NRG1: variants seen among roughly 807,000 people sequenced by gnomAD.
The protein encoded by NRG1 is neuregulin 1.
In NRG1, 18 loss-of-function variants were observed where a neutral mutation model predicts 63.8. The ratio of observed to expected loss-of-function variants is 0.28; its 90% CI spans 0.19 to 0.42. The LOEUF (loss-of-function observed/expected upper bound fraction) is 0.42, where lower values mean the gene tolerates loss of function less well. NRG1 is among the 10% of genes least tolerant of loss of function. NRG1 has a pLI of 1.00. For synonymous variants in NRG1, 302 were observed against 301.3 expected (o/e 1.00, Z -0.02); for missense variants, 762 against 814.7 (o/e 0.94, Z 0.79).
chr8:32,053,538 T>C (rs16878693), intron 1 of NRG1, among the ~76,000 whole-genome samples: 8,442 of 152,164 alleles, frequency 0.055, 784 homozygotes, highest in African/African-American at 0.19. Flanking sequence ...TCAAACCTCT[T>C]TTCATCATGA....
chr8:32,702,392 G>A (rs1473258954), intron 5 of NRG1, among the ~76,000 whole-genome samples: 3 of 152,252 alleles, frequency 2.0e-5, no homozygotes, highest in African/African-American at 7.2e-5. Context: ...TAAATCTGCT[G>A]AAATAAACAG....
chr8:31,995,821 C>G (rs368871880), intron 1 of NRG1, among the ~76,000 whole-genome samples: 2 of 151,940 alleles, frequency 1.3e-5, no homozygotes, highest in African/African-American at 4.8e-5. Flanking sequence ...GTAGTACATG[C>G]CAAATTCACC....
intron 1 of NRG1, among the ~76,000 whole-genome samples, chr8:31,730,893 A>G (rs559276599): frequency 7.9e-5 from 12 of 152,310 alleles, no homozygotes; most frequent in Non-Finnish European, 5.9e-5. Context: ...GAAGCTTAGT[A>G]TCTATGATTT....
chr8:32,512,882 T>C (rs1829377401), intron 1 of NRG1, among the ~76,000 whole-genome samples: 1 of 152,140 alleles, frequency 6.6e-6, no homozygotes, highest in African/African-American at 2.4e-5. Context: ...AAAGAAGAAA[T>C]AGAACAATAA....
At chr8:32,769,090 C>CCACCACACTCTTTCA (rs1465228552), downstream of NRG1, among the ~76,000 whole-genome samples, 2 of 151,970 alleles carry the variant, frequency 1.3e-5, no homozygotes, top group Non-Finnish European at 2.9e-5. Flanking sequence ...TCTCCAAAAG[C>CCACCACACTCTTTCA]CACCACACTC....
intron 1 of NRG1, among the ~76,000 whole-genome samples, chr8:31,708,538 C>G (rs1388510879): frequency 6.7e-6 from 1 of 150,076 alleles, no homozygotes; most frequent in African/African-American, 2.4e-5. Flanking sequence ...CTCCGCCTCC[C>G]GGGTTCACGC....
intron 5 of NRG1, among the ~76,000 whole-genome samples, chr8:32,630,676 TGTTAA>T (rs576320569): frequency 1.8e-4 from 28 of 152,296 alleles, no homozygotes; most frequent in South Asian, 1.2e-3. Flanking sequence ...ACAATCCCTA[TGTTAA>T]GTTTTCTTTT....
intron 1 of NRG1, among the ~76,000 whole-genome samples, chr8:32,072,231 A>G (rs996753074): frequency 2.0e-5 from 3 of 151,592 alleles, no homozygotes; most frequent in Non-Finnish European, 4.4e-5. Context: ...AAAGAACACC[A>G]GAGAACCACT....
At chr8:31,856,339 C>T (rs1417171210) in intron 1 of NRG1, among the ~76,000 whole-genome samples, 2 of 152,040 alleles carry the variant, frequency 1.3e-5, no homozygotes, top group Non-Finnish European at 2.9e-5. Context: ...TCTAAACTTC[C>T]CTTCTTGCTT....
At chr8:32,751,432 T>A (rs887704332) in intron 7 of NRG1, among the ~76,000 whole-genome samples, 1 of 152,182 alleles carries the variant, frequency 6.6e-6, no homozygotes, top group Non-Finnish European at 1.5e-5. Flanking sequence ...CCTGTCTGTC[T>A]CTAATTTGCT....
At chr8:32,186,851 A>G (rs1345762345) in intron 1 of NRG1, among the ~76,000 whole-genome samples, 1 of 152,166 alleles carries the variant, frequency 6.6e-6, no homozygotes, top group Non-Finnish European at 1.5e-5. Flanking sequence ...TGCCCTATTT[A>G]GGCTACTTCT....
intron 1 of NRG1, among the ~76,000 whole-genome samples, chr8:32,263,051 T>A (rs565512054): frequency 6.6e-6 from 1 of 152,186 alleles, no homozygotes; most frequent in Non-Finnish European, 1.5e-5. Context: ...AAGATTCCCA[T>A]GGGCAGAAAT....
intron 1 of NRG1, among the ~76,000 whole-genome samples, chr8:32,405,597 C>T (rs1245216514): frequency 6.6e-6 from 1 of 152,130 alleles, no homozygotes; most frequent in Non-Finnish European, 1.5e-5. Flanking sequence ...GTTACCCACA[C>T]TTGTACAGTC....
At chr8:31,735,001 C>T (rs1033792855) in intron 1 of NRG1, among the ~76,000 whole-genome samples, 2 of 152,104 alleles carry the variant, frequency 1.3e-5, no homozygotes, top group Non-Finnish European at 2.9e-5. Flanking sequence ...GCGTCATGGA[C>T]ACCTGGACAC....
chr8:32,419,526 A>G (rs920179748), intron 1 of NRG1, among the ~76,000 whole-genome samples: 3 of 152,290 alleles, frequency 2.0e-5, no homozygotes, highest in East Asian at 1.9e-4. Context: ...CCCTATAAAT[A>G]CCCAAGTCTT....
intron 5 of NRG1, chr8:32,647,267 G>T (rs1040836629): frequency 1.0e-6 from 1 of 985,266 alleles, no homozygotes; most frequent in Non-Finnish European, 1.2e-6. Context: ...CGCCACCGCC[G>T]CTGGTCCTCC....
chr8:32,102,915 G>A (rs2131372166), intron 1 of NRG1, among the ~76,000 whole-genome samples: 1 of 151,778 alleles, frequency 6.6e-6, no homozygotes, highest in South Asian at 2.1e-4. Context: ...AATTTTTGTA[G>A]GTACACAGTA....
chr8:32,395,439 G>A (rs1358134692), intron 1 of NRG1, among the ~76,000 whole-genome samples: 1 of 152,130 alleles, frequency 6.6e-6, no homozygotes, highest in African/African-American at 2.4e-5. Flanking sequence ...ATTCTAATCT[G>A]TGTGTAGTGC....
chr8:31,813,516 C>CTTTTCTTTTTTTTTTTTTTTTT, intron 1 of NRG1, among the ~76,000 whole-genome samples: 3 of 101,212 alleles, frequency 3.0e-5, no homozygotes, highest in African/African-American at 1.1e-4. Flanking sequence ...CTTTTCTTTT[C>CTTTTCTTTTTTTTTTTTTTTTT]TTTTTTTTTT....
Sources: allele counts gnomAD v4.1 joint callset (sites outside exome capture counted in the v4.1 genomes callset), GRCh38; gene constraint gnomAD v4.1.1; transcripts MANE v1.5; gene names NCBI Gene and HGNC (gene_info 2026-07-23, HGNC 2026-07-21).